The following JAG1 variants were observed in gnomAD, a reference collection of about 807,000 sequenced individuals.
The protein encoded by JAG1 is jagged canonical Notch ligand 1, also known as protein jagged-1.
Under a neutral mutation model 148.7 loss-of-function variants are expected in JAG1, and 23 were observed. That is an observed-to-expected ratio of 0.15 (90% confidence interval 0.11 to 0.22). The LOEUF is 0.22. Ranked by LOEUF, JAG1 falls within the 10% of genes least tolerant of loss-of-function variation. The probability of loss-of-function intolerance (pLI) is 1.00; values close to 1 mark genes in which losing one functional copy is unlikely to be tolerated. For missense variants in JAG1, 1,054 were observed against 1,611.2 expected (o/e 0.65, Z 5.92); for synonymous variants, 572 against 598.3 (o/e 0.96, Z 0.64).
chr20:10,656,297 T>G, intron 5 of JAG1, 101 bp downstream of exon 5: 1 of 987,308 alleles, frequency 1.0e-6, no homozygotes, highest in South Asian at 1.3e-5. Flanking sequence ...AAAAGCTTTC[T>G]TGTTCTCCAA....
chr20:10,664,088 C>T, intron 2 of JAG1, 74 bp from the exon 3 acceptor site: 1 of 1,111,514 alleles, frequency 9.0e-7, no homozygotes, highest in Non-Finnish European at 1.4e-6. Context: ...TTCTTGGCCT[C>T]CCAGAATACC....
At position 10,672,904 on chromosome 20, in the gene JAG1, C is replaced by G. The variant is rs752774309; in HGVS notation, c.184G>C (p.Gly62Arg). Residue 62 changes from glycine to arginine, a missense_variant, in exon 2 of 26, where the codon GGA (glycine) becomes CGA (arginine). By Grantham distance (125) the Gly-to-Arg change is moderately radical. Around this residue, in one of 6 missense-constraint regions of JAG1, gnomAD observed 151 missense variants for 211.1 expected, o/e 0.72. Transcript: ENST00000254958. ...TCGTCGCGGGTGCACTTGCGGTCTC[C>G]CGGGTTCCGGGCGCCGCCGCAGCAG... ...GNCCGGARNPGDRKCTRDECD... is the reference protein window; with the variant it reads ...GNCCGGARNPRDRKCTRDECD... 2 of 1,613,208 alleles carry G rather than the reference C, an allele frequency of 1.2e-6. No homozygotes were observed. The highest frequency in any genetic ancestry group is 1.7e-6 in the Non-Finnish European group (2 of 1,180,024).
intron 14 of JAG1, chr20:10,646,455 G>C: frequency 1.4e-5 from 5 of 365,934 alleles, no homozygotes; most frequent in South Asian, 8.9e-5. Context: ...TTAGATCCCA[G>C]ATGTAAGGAT....
intron 2 of JAG1, among the ~76,000 whole-genome samples, chr20:10,664,653 C>T (rs1248428201): frequency 1.3e-5 from 2 of 152,060 alleles, no homozygotes; most frequent in African/African-American, 4.8e-5. Flanking sequence ...CTCACTTGGG[C>T]GGTGGAGTTG....
In JAG1 at chr20:10,673,034, G is replaced by A. The variant is rs781677404; in HGVS notation, c.82-28C>T. 10 of 1,600,164 alleles carry A rather than the reference G, an allele frequency of 6.2e-6. No individual in the cohort carries two copies. The South Asian group carries it at 9.9e-5, about 16-fold the overall frequency. On this transcript the variant is annotated intron_variant, in intron 1 of 25. Coordinates refer to ENST00000254958, the MANE Select transcript of JAG1 (RefSeq NM_000214.3). The surrounding 1 kb of genome is among the most constrained non-coding windows in gnomAD (Gnocchi z 4.7). ...GCCGGCGAGGGAAGGAGGTAGGTCA[G>A]CGCGGGAGAAAGCTGTTTTCTTCGA...
intron 2 of JAG1, among the ~76,000 whole-genome samples, chr20:10,669,547 CAAAAAAAAAAAAAAAAAAAAAAAAAAAAA>C (rs56122797): frequency 2.5e-4 from 11 of 44,198 alleles, no homozygotes; most frequent in South Asian, 5.7e-4. Flanking sequence ...TTGGATTTTC[CAAAAAAAAAAAAAAAAAAAAAAAAAAAAA>C]AAAAAAAAAA....
Position 10,638,144 on chromosome 20 carries a change from TG to T in JAG1, c.*1353del, listed in dbSNP as rs1275475875. Reference sequence around the variant, plus strand: ...GATTACTCTGTTTTATAAGCCTTTTTGATCTTGAACTTCGTAATAGCACTTT... The same window carrying T: ...GATTACTCTGTTTTATAAGCCTTTTTATCTTGAACTTCGTAATAGCACTTT... On this transcript the variant is annotated 3_prime_UTR_variant, in exon 26 of 26. Transcript: ENST00000254958. 2 of 152,712 alleles carry T rather than the reference TG, an allele frequency of 1.3e-5. No individual in the cohort carries two copies. The highest frequency in any genetic ancestry group is 4.8e-5 in the African/African-American group (2 of 41,472). The allele number at this position is 152,712 out of a possible 1,614,324, so 9.5% of individuals were successfully genotyped here.
rs755345769 is a variant in JAG1 at position 10,639,425 on chromosome 20, C to T, written c.*73G>A. On this transcript the variant is annotated 3_prime_UTR_variant, in exon 26 of 26. Coordinates refer to ENST00000254958, the MANE Select transcript of JAG1 (RefSeq NM_000214.3). ...TCTAAGTCAGCAACGGCCTCAGACT[C>T]GAGTATGACACGACAGTTTAAAGAA... 1.7e-5 allele frequency: 23 copies of T among 1,352,214 alleles called. No homozygotes were observed. The highest frequency in any genetic ancestry group is 3.5e-5 in the South Asian group (3 of 85,410). The allele number at this position is 1,352,214 out of a possible 1,614,324, so 83.8% of individuals were successfully genotyped here. A position where few individuals can be genotyped will look rare whatever the true frequency, so the allele number is the denominator to read the frequency against.
rs2067322850 is a variant in JAG1 at position 10,648,260 on chromosome 20, G to A, written c.1570-150C>T. 6.1e-6 allele frequency: 6 copies of A among 986,342 alleles called. No individual in the cohort carries two copies. In the South Asian group the frequency reaches 8.2e-5, roughly 14 times the overall value. The allele number at this position is 986,342 out of a possible 1,614,324, so 61.1% of individuals were successfully genotyped here. The stretch of plus-strand genomic sequence containing the variant: ...CTGTAAGATACATCTCTATGCTGTA[G>A]GGACTGCCAATGTCCAGTATTTGAA... On this transcript the variant is annotated intron_variant, in intron 12 of 25. Transcript: ENST00000254958.
Position 10,644,915 on chromosome 20 carries a change from C to T in JAG1, c.2292G>A (p.Glu764=). The T allele has an allele frequency of 6.2e-7, 1 of 1,614,110 alleles. No individual in the cohort carries two copies. Among genetic ancestry groups the T allele is most frequent in the Non-Finnish European group, 8.5e-7 (1 of 1,180,018 alleles). The stretch of plus-strand genomic sequence containing the variant: ...CTTCCTTGCAGACGCACGTAAAGGA[C>T]TCGCCGTTGACCACACATGTGCCCC... ...HNGGTCVVNG[E]SFTCVCKEGW... is the part of the protein sequence containing the mutation. Residue 764 remains glutamate, a synonymous_variant, in exon 18 of 26, where the codon GAG becomes GAA. Transcript: ENST00000254958.
chr20:10,672,077 G>A (rs1256184626), intron 2 of JAG1, among the ~76,000 whole-genome samples: 1 of 152,160 alleles, frequency 6.6e-6, no homozygotes, highest in Non-Finnish European at 1.5e-5. Context: ...CAGCGGGCGG[G>A]GGTTCCCAGG....
chr20:10,662,754 C>A (rs1010112025), intron 3 of JAG1, among the ~76,000 whole-genome samples: 3 of 152,114 alleles, frequency 2.0e-5, no homozygotes, highest in Non-Finnish European at 4.4e-5. Context: ...ACACACACCC[C>A]CCCACGGCAT....
At chr20:10,661,980 C>A (rs1196762497) in intron 3 of JAG1, among the ~76,000 whole-genome samples, 10 of 152,258 alleles carry the variant, frequency 6.6e-5, no homozygotes, top group African/African-American at 2.4e-4. Flanking sequence ...GCCAGACACC[C>A]AGAAGGGGCC....
chr20:10,661,098 T>C (rs1297824620), intron 3 of JAG1, among the ~76,000 whole-genome samples: 9 of 152,180 alleles, frequency 5.9e-5, no homozygotes, highest in Non-Finnish European at 1.2e-4. Flanking sequence ...GAAAGAAATT[T>C]GGAACTCTAT....
At chr20:10,640,510 A>T (rs987831521) in intron 25 of JAG1, among the ~76,000 whole-genome samples, 5 of 152,234 alleles carry the variant, frequency 3.3e-5, no homozygotes, top group African/African-American at 1.2e-4. Context: ...ACAAAGGACA[A>T]GCAGTGTCCT....
Position 10,672,883 on chromosome 20 carries a change from C to A in JAG1, c.205G>T (p.Asp69Tyr), listed in dbSNP as rs1249703733. 2.5e-6 allele frequency: 4 copies of A among 1,613,306 alleles called. No homozygotes were observed. Among genetic ancestry groups the A allele is most frequent in the Non-Finnish European group, 3.4e-6 (4 of 1,180,052 alleles). ...RNPGDRKCTR[D>Y]ECDTYFKVCL... ...ACTTTGAAGTATGTGTCACACTCGTCGCGGGTGCACTTGCGGTCTCCCGGG... is the reference window on the plus strand; with the variant it reads ...ACTTTGAAGTATGTGTCACACTCGTAGCGGGTGCACTTGCGGTCTCCCGGG... Residue 69 changes from aspartate (D) to tyrosine (Y), a missense_variant, in exon 2 of 26, where the codon GAC becomes TAC. By Grantham distance (160) the Asp-to-Tyr change is radical (BLOSUM62 -3). Coordinates refer to ENST00000254958, the MANE Select transcript of JAG1 (RefSeq NM_000214.3).
Position 10,645,396 on chromosome 20 carries a change from A to G in JAG1, c.2073T>C (p.Cys691=), listed in dbSNP as rs200648035. The G allele has an allele frequency of 1.5e-4, 236 of 1,612,570 alleles. No individual in the cohort carries two copies. In the East Asian group the frequency reaches 4.3e-3, roughly 29 times the overall value. ...TCRDLVNDFY[C]DCKNGWKGKT... is the part of the protein sequence containing the mutation. ...TTCCTTTCCACCCATTTTTACAGTCACAGTAGAAGTCATTGACCAGGTCGC... is the reference window on the plus strand; with the variant it reads ...TTCCTTTCCACCCATTTTTACAGTCGCAGTAGAAGTCATTGACCAGGTCGC... Residue 691 remains cysteine (C), a synonymous_variant, in exon 16 of 26, where the codon TGT becomes TGC. Coordinates refer to ENST00000254958, the MANE Select transcript of JAG1 (RefSeq NM_000214.3). The surrounding 1 kb of genome is among the most constrained non-coding windows in gnomAD (Gnocchi z 6.1).
chr20:10,668,092 TAAAAAAAAAA>T (rs58852175), intron 2 of JAG1, among the ~76,000 whole-genome samples: 1 of 107,262 alleles, frequency 9.3e-6, no homozygotes, highest in African/African-American at 3.6e-5. Flanking sequence ...ACTGGCACCA[TAAAAAAAAAA>T]AAAAAAAAAA....
chr20:10,649,393 C>T, intron 10 of JAG1, 129 bp downstream of exon 10: 1 of 723,730 alleles, frequency 1.4e-6, no homozygotes, highest in Non-Finnish European at 2.5e-6. Context: ...ACCACTCCCT[C>T]TCAAAAAACC....
Sources: allele counts gnomAD v4.1 joint callset (sites outside exome capture counted in the v4.1 genomes callset), GRCh38; gene constraint gnomAD v4.1.1; regional missense constraint gnomAD v4.1.1; non-coding constraint Gnocchi (gnomAD v3.1); transcripts MANE v1.5; gene names NCBI Gene and HGNC (gene_info 2026-07-23, HGNC 2026-07-21).